The following PPFIBP2 variants were observed in gnomAD, a reference collection of about 807,000 sequenced individuals.
PPFIBP2 encodes the protein liprin-beta-2.
In PPFIBP2, 118 loss-of-function variants were observed where a neutral mutation model predicts 118.3. The observed-to-expected ratio is 1.00, with a 90% CI of 0.86 to 1.16. The LOEUF is 1.16. Among genes scored for constraint, PPFIBP2 ranks in the 50% most tolerant of loss-of-function variants. PPFIBP2 has a pLI of 0.00. For synonymous variants in PPFIBP2, 414 were observed against 397.4 expected (o/e 1.04, Z -0.50); for missense variants, 1,195 against 1,073.1 (o/e 1.11, Z -1.59).
chr11:7,634,589 T>A, intron 13 of PPFIBP2, 37 bp downstream of exon 13: 3 of 1,562,586 alleles, frequency 1.9e-6, no homozygotes, highest in Non-Finnish European at 2.6e-6. Flanking sequence ...ATGACTGAGT[T>A]ACTTTTTTGG....
intron 7 of PPFIBP2, among the ~76,000 whole-genome samples, chr11:7,623,464 G>C (rs986131100): frequency 2.0e-5 from 3 of 152,222 alleles, no homozygotes; most frequent in Non-Finnish European, 4.4e-5. Flanking sequence ...CAACTGCGGA[G>C]ACAGAGATCG....
rs1853619197 is a variant in PPFIBP2 at position 7,649,311 on chromosome 11, A to C, written c.1998+76A>C. On this transcript the variant is annotated intron_variant, in intron 20 of 23. Transcript: ENST00000299492. ...CACGTGTACCCATGGTGGTTATTTT[A>C]AACTTGATTCCATATATTCTTAAGG... The C allele has an allele frequency of 1.0e-5, 14 of 1,394,564 alleles. No homozygotes were observed. In the East Asian group the frequency reaches 2.7e-4, roughly 27 times the overall value. 86.4% of individuals were successfully genotyped at this position (1,394,564 alleles called of 1,614,324 possible). A position where few individuals can be genotyped will look rare whatever the true frequency, so the allele number is the denominator to read the frequency against.
At chr11:7,538,035 C>A (rs980100349) in intron 1 of PPFIBP2, among the ~76,000 whole-genome samples, 2 of 152,126 alleles carry the variant, frequency 1.3e-5, no homozygotes, top group Non-Finnish European at 2.9e-5. Context: ...TGAGAAGAGT[C>A]AGAGGAGGGT....
At chr11:7,562,134 C>T (rs188627802) in intron 2 of PPFIBP2, among the ~76,000 whole-genome samples, 5 of 152,300 alleles carry the variant, frequency 3.3e-5, no homozygotes, top group Admixed American at 1.3e-4. Flanking sequence ...TGACAGGAGG[C>T]GGAGCTCAGG....
chr11:7,638,528 G>A (rs2135853943), intron 14 of PPFIBP2, among the ~76,000 whole-genome samples: 1 of 152,312 alleles, frequency 6.6e-6, no homozygotes, highest in East Asian at 1.9e-4. Context: ...TAAGCAAATT[G>A]AATTGGAAAT....
At chr11:7,544,148 T>C (rs1033314919) in intron 1 of PPFIBP2, among the ~76,000 whole-genome samples, 1 of 152,220 alleles carries the variant, frequency 6.6e-6, no homozygotes. Context: ...GAATTGTGGA[T>C]GGACTGCATT....
chr11:7,623,220 G>A (rs972070832), intron 7 of PPFIBP2, among the ~76,000 whole-genome samples: 2 of 151,576 alleles, frequency 1.3e-5, no homozygotes, highest in Non-Finnish European at 2.9e-5. Flanking sequence ...AGGCCTCTCA[G>A]TCTCTGAAGG....
At chr11:7,537,621 G>A (rs1346213040) in intron 1 of PPFIBP2, among the ~76,000 whole-genome samples, 1 of 152,214 alleles carries the variant, frequency 6.6e-6, no homozygotes, top group African/African-American at 2.4e-5. Flanking sequence ...CAGAAGGAAG[G>A]GAAAGAGCCT....
the PPFIBP2 span, chr11:7,665,586 A>G: frequency 6.4e-7 from 1 of 1,555,690 alleles, no homozygotes; most frequent in South Asian, 1.3e-5. Context: ...GAGCGATGCC[A>G]GGTGGAGTTC....
chr11:7,514,836 ATCT>A (rs1407388116), intron 1 of PPFIBP2, among the ~76,000 whole-genome samples: 1 of 152,228 alleles, frequency 6.6e-6, no homozygotes, highest in Non-Finnish European at 1.5e-5. Flanking sequence ...CCAGTGTTTA[ATCT>A]TCTTAAAAAA....
chr11:7,665,950 A>G, the PPFIBP2 span: 5,387 of 1,528,684 alleles, frequency 3.5e-3, 12 homozygotes, highest in Non-Finnish European at 4.3e-3. Context: ...CTGTATGACA[A>G]GCAGGTACAG....
intron 4 of PPFIBP2, 200 bp from the exon 5 acceptor site, chr11:7,597,360 G>T (rs1860530951): frequency 6.5e-7 from 1 of 1,535,798 alleles, no homozygotes; most frequent in African/African-American, 1.4e-5. Context: ...CAGTGGCCGA[G>T]ACTCCCTGGT....
At chr11:7,528,435 T>C (rs773742247) in intron 1 of PPFIBP2, among the ~76,000 whole-genome samples, 5 of 152,192 alleles carry the variant, frequency 3.3e-5, no homozygotes, top group South Asian at 4.1e-4. Flanking sequence ...TTCAATAAAG[T>C]ATATTAGAAT....
At chr11:7,527,403 C>T (rs1279543352) in intron 1 of PPFIBP2, among the ~76,000 whole-genome samples, 2 of 151,940 alleles carry the variant, frequency 1.3e-5, no homozygotes, top group African/African-American at 2.4e-5. Context: ...TCTGGGGAAA[C>T]CTACCCTTTA....
chr11:7,616,663 G>C lies in PPFIBP2; in HGVS notation c.619-4272G>C, dbSNP rs1374278359. On this transcript the variant is annotated intron_variant, in intron 6 of 23. Transcript: ENST00000299492. The surrounding 1 kb of genome is among the most constrained non-coding windows in gnomAD (Gnocchi z 5.2). The stretch of plus-strand genomic sequence containing the variant: ...TGGGTACATATTGTCATGGATAAGT[G>C]TGATGTGTGCCATATGTCCCCTGTG... 6.6e-6 allele frequency among the ~76,000 whole-genome samples: 1 copy of C among 152,128 alleles called. No homozygotes were observed. Among genetic ancestry groups the C allele is most frequent in the East Asian group, 1.9e-4 (1 of 5,186 alleles).
intron 6 of PPFIBP2, among the ~76,000 whole-genome samples, chr11:7,615,753 C>A (rs1263797542): frequency 2.0e-5 from 3 of 152,098 alleles, no homozygotes; most frequent in Non-Finnish European, 2.9e-5. Context: ...GTGATAGGTA[C>A]CTTGAGAGAA....
intron 17 of PPFIBP2, 189 bp from the exon 18 acceptor site, chr11:7,648,197 AG>A: frequency 1.7e-6 from 1 of 577,154 alleles, no homozygotes; most frequent in Middle Eastern, 4.6e-4. Context: ...AGAAAACTCT[AG>A]GGTCTACCTC....
At chr11:7,617,195 G>C in intron 6 of PPFIBP2, 1 of 985,444 alleles carries the variant, frequency 1.0e-6, no homozygotes, top group Non-Finnish European at 1.2e-6. Flanking sequence ...AAGAGCGCCT[G>C]TTACTCAGTA....
At chr11:7,604,505 T>A (rs1315928130) in intron 5 of PPFIBP2, among the ~76,000 whole-genome samples, 2 of 134,310 alleles carry the variant, frequency 1.5e-5, no homozygotes, top group Admixed American at 1.5e-4. Context: ...CACCCACCCA[T>A]ACACACAGAC....
Sources: allele counts gnomAD v4.1 joint callset (sites outside exome capture counted in the v4.1 genomes callset), GRCh38; gene constraint gnomAD v4.1.1; non-coding constraint Gnocchi (gnomAD v3.1); transcripts MANE v1.5; gene names NCBI Gene and HGNC (gene_info 2026-07-23, HGNC 2026-07-21).